ZNF385D: variants seen among roughly 807,000 people sequenced by gnomAD.
ZNF385D encodes zinc finger protein 659.
ZNF385D carries 15 observed loss-of-function variants against 35.8 expected under a neutral mutation model. That is an observed-to-expected ratio of 0.42 (90% CI 0.28 to 0.64). The LOEUF is 0.64. ZNF385D is among the 30% of genes least tolerant of loss of function. The probability of loss-of-function intolerance (pLI) is 0.23; values close to 1 mark genes in which losing one functional copy is unlikely to be tolerated. For synonymous variants in ZNF385D, 212 were observed against 186.8 expected (o/e 1.13, Z -1.10); for missense variants, 474 against 494.6 (o/e 0.96, Z 0.39).
chr3:21,954,819 G>C (rs1702214708), intron 3 of ZNF385D, among the ~76,000 whole-genome samples: 3 of 151,912 alleles, frequency 2.0e-5, no homozygotes, highest in African/African-American at 4.8e-5. Context: ...ACTGACTTTT[G>C]TGTTATACTT....
At chr3:21,546,840 C>T (rs1193680272) in intron 3 of ZNF385D, among the ~76,000 whole-genome samples, 1 of 151,784 alleles carries the variant, frequency 6.6e-6, no homozygotes, top group Non-Finnish European at 1.5e-5. Flanking sequence ...TCTCTAGCCC[C>T]CCCCGCTTCA....
At chr3:21,457,887 A>G (rs1175452171) in intron 4 of ZNF385D, among the ~76,000 whole-genome samples, 2 of 152,192 alleles carry the variant, frequency 1.3e-5, no homozygotes, top group African/African-American at 4.8e-5. Context: ...TAATTGTGGA[A>G]AATTATTTTC....
intron 4 of ZNF385D, among the ~76,000 whole-genome samples, chr3:21,478,506 G>T (rs769704026): frequency 1.1e-4 from 17 of 152,146 alleles, no homozygotes; most frequent in Non-Finnish European, 2.4e-4. Context: ...ATCCAGAAAT[G>T]AAGTCATATT....
At chr3:21,963,636 T>C (rs1702719098) in intron 3 of ZNF385D, among the ~76,000 whole-genome samples, 1 of 152,188 alleles carries the variant, frequency 6.6e-6, no homozygotes, top group Non-Finnish European at 1.5e-5. Context: ...TCTCCATTCA[T>C]ACGCCTTTAA....
chr3:21,483,705 A>C (rs1704811645), intron 4 of ZNF385D, among the ~76,000 whole-genome samples: 1 of 152,128 alleles, frequency 6.6e-6, no homozygotes, highest in Non-Finnish European at 1.5e-5. Context: ...TTTTCATTGT[A>C]CCATCTGTGC....
chr3:21,640,378 T>A (rs2065568058), intron 2 of ZNF385D, among the ~76,000 whole-genome samples: 1 of 151,986 alleles, frequency 6.6e-6, no homozygotes. Context: ...AAAATCTGAG[T>A]CACCACGCTA....
intron 3 of ZNF385D, among the ~76,000 whole-genome samples, chr3:21,797,226 T>C (rs2072194137): frequency 6.6e-6 from 1 of 152,148 alleles, no homozygotes; most frequent in African/African-American, 2.4e-5. Flanking sequence ...AATAAGCCAA[T>C]GAAAAGATTC....
At chr3:22,326,460 G>C (rs887216377) in intron 2 of ZNF385D, among the ~76,000 whole-genome samples, 1 of 152,140 alleles carries the variant, frequency 6.6e-6, no homozygotes, top group Non-Finnish European at 1.5e-5. Context: ...ATTATCTCCT[G>C]TTATTTCGCA....
intron 2 of ZNF385D, among the ~76,000 whole-genome samples, chr3:22,250,142 C>T (rs1699989461): frequency 6.6e-6 from 1 of 152,074 alleles, no homozygotes; most frequent in African/African-American, 2.4e-5. Flanking sequence ...AAGGTATCTT[C>T]CCCCAATTTT....
At chr3:21,542,961 C>T (rs1292815366) in intron 3 of ZNF385D, 1 of 153,106 alleles carries the variant, frequency 6.5e-6, no homozygotes. Context: ...AGTCCTGCAA[C>T]ATTCTTGGCG....
intron 3 of ZNF385D, among the ~76,000 whole-genome samples, chr3:22,105,307 C>CTT (rs71618882): frequency 7.0e-6 from 1 of 143,874 alleles, no homozygotes; most frequent in Non-Finnish European, 1.5e-5. Flanking sequence ...TGCATATTGC[C>CTT]TTTTTTTTTT....
intron 1 of ZNF385D, among the ~76,000 whole-genome samples, chr3:21,710,742 G>C (rs1575508092): frequency 6.6e-6 from 1 of 152,122 alleles, no homozygotes; most frequent in South Asian, 2.1e-4. Context: ...ATGAATGCTT[G>C]AACATCTCCA....
intron 3 of ZNF385D, among the ~76,000 whole-genome samples, chr3:21,941,004 G>A (rs990631706): frequency 5.3e-5 from 8 of 152,224 alleles, no homozygotes; most frequent in Admixed American, 4.6e-4. Flanking sequence ...GTTTGAAACC[G>A]ATAACTAATA....
intron 3 of ZNF385D, among the ~76,000 whole-genome samples, chr3:22,164,039 G>T (rs1485996638): frequency 1.3e-5 from 2 of 152,088 alleles, no homozygotes; most frequent in Admixed American, 1.3e-4. Flanking sequence ...TTCCCAATAA[G>T]CCTGCAAAGG....
intron 3 of ZNF385D, among the ~76,000 whole-genome samples, chr3:21,837,854 G>A (rs373219259): frequency 7.5e-6 from 1 of 133,442 alleles, no homozygotes; most frequent in South Asian, 2.7e-4. Context: ...CCTGGTAACA[G>A]TGTGAGACTC....
At chr3:21,811,075 T>C (rs1193951462) in intron 3 of ZNF385D, among the ~76,000 whole-genome samples, 7 of 151,700 alleles carry the variant, frequency 4.6e-5, no homozygotes, top group Non-Finnish European at 1.0e-4. Context: ...ATAGGAAATA[T>C]AAAGAAAAGA....
chr3:21,784,412 G>A (rs551136552), intron 3 of ZNF385D, among the ~76,000 whole-genome samples: 2 of 152,128 alleles, frequency 1.3e-5, no homozygotes, highest in African/African-American at 4.8e-5. Context: ...TCTCTTTTGT[G>A]TGCTTTAAGT....
In ZNF385D at chr3:21,414,906, C is replaced by T. The variant is rs1487678592; in HGVS notation, c.*6308G>A. 1 of 152,074 alleles carries T rather than the reference C, an allele frequency of 6.6e-6. No homozygotes were observed. The highest frequency in any genetic ancestry group is 1.5e-5 in the Non-Finnish European group (1 of 68,002). The allele number at this position is 152,074 out of a possible 1,614,324, so 9.4% of individuals were successfully genotyped here. A position where few individuals can be genotyped will look rare whatever the true frequency, so the allele number is the denominator to read the frequency against. On this transcript the variant is annotated 3_prime_UTR_variant, in exon 8 of 8. Transcript: ENST00000281523. ...GAACTCAATTCCTTTTTCATCTCTA[C>T]TAATGTTAGCATAACATCATAAGAG... is the stretch of plus-strand genomic sequence containing the variant.
In ZNF385D at chr3:22,279,873, C is replaced by T. The variant is rs568238512; in HGVS notation, c.106+92577G>A. 2.6e-4 allele frequency among the ~76,000 whole-genome samples: 40 copies of T among 152,138 alleles called. No individual in the cohort carries two copies. The South Asian group carries it at 7.9e-3, about 30-fold the overall frequency. ...TAAGGAATCTCCACACTGTTTTCCA[C>T]AGTGGCTGTACTAGTTTACATTCCC... is the stretch of plus-strand genomic sequence containing the variant. On this transcript the variant is annotated intron_variant, in intron 2 of 5. Transcript: ENST00000494108.
Sources: gnomAD v4.1 joint callset for allele counts (sites outside exome capture counted in the v4.1 genomes callset) on GRCh38, gnomAD v4.1.1 for gene constraint, MANE v1.5 for transcripts, NCBI Gene and HGNC (gene_info 2026-07-23, HGNC 2026-07-21) for gene names.